Variants in STXBP5L observed in about 807,000 individuals in gnomAD.
STXBP5L encodes syntaxin binding protein 5L, also known as syntaxin-binding protein 5-like.
STXBP5L carries 65 observed loss-of-function variants against 144.5 expected under a neutral mutation model. That is an observed-to-expected ratio of 0.45 (90% CI 0.37 to 0.55). STXBP5L has a LOEUF of 0.55. STXBP5L is among the 20% of genes least tolerant of loss of function. STXBP5L has a pLI of 0.00. For missense variants in STXBP5L, 1,298 were observed against 1,405.5 expected (o/e 0.92, Z 1.22); for synonymous variants, 505 against 469.6 (o/e 1.08, Z -0.97).
At chr3:121,035,838 G>A (rs1946710342) in intron 3 of STXBP5L, among the ~76,000 whole-genome samples, 1 of 152,070 alleles carries the variant, frequency 6.6e-6, no homozygotes, top group Non-Finnish European at 1.5e-5. Context: ...AGGGAAAGTT[G>A]CCATCTTAAC....
chr3:120,970,040 G>A (rs1006373925), intron 3 of STXBP5L, among the ~76,000 whole-genome samples: 5 of 151,982 alleles, frequency 3.3e-5, no homozygotes, highest in African/African-American at 1.2e-4. Flanking sequence ...TTATTGCATA[G>A]AGAAGAAAAG....
chr3:121,376,927 T>C (rs1560036280), intron 20 of STXBP5L, among the ~76,000 whole-genome samples: 1 of 152,202 alleles, frequency 6.6e-6, no homozygotes, highest in Non-Finnish European at 1.5e-5. Flanking sequence ...GTAGTTCTCA[T>C]TGAAGTGGTC....
chr3:121,330,176 A>G (rs1238946369), intron 20 of STXBP5L, among the ~76,000 whole-genome samples: 1 of 152,160 alleles, frequency 6.6e-6, no homozygotes, highest in Non-Finnish European at 1.5e-5. Context: ...GGCATAGGGC[A>G]TAAGCCTTCT....
intron 9 of STXBP5L, among the ~76,000 whole-genome samples, chr3:121,179,953 A>G (rs1458400051): frequency 6.6e-6 from 1 of 152,204 alleles, no homozygotes; most frequent in Non-Finnish European, 1.5e-5. Flanking sequence ...AAATGGCCAA[A>G]CCTAAGAATA....
chr3:121,135,680 T>A (rs780257102), intron 7 of STXBP5L, among the ~76,000 whole-genome samples: 2 of 152,114 alleles, frequency 1.3e-5, no homozygotes, highest in Non-Finnish European at 2.9e-5. Context: ...GTGACGGGGA[T>A]CAGCTGTAAA....
intron 3 of STXBP5L, among the ~76,000 whole-genome samples, chr3:120,991,244 T>C (rs1307350769): frequency 6.6e-6 from 1 of 151,736 alleles, no homozygotes; most frequent in Non-Finnish European, 1.5e-5. Context: ...TCATCATCAC[T>C]GGCCATCAGA....
intron 23 of STXBP5L, among the ~76,000 whole-genome samples, chr3:121,410,222 T>A (rs1371606103): frequency 6.6e-6 from 1 of 151,886 alleles, no homozygotes; most frequent in Non-Finnish European, 1.5e-5. Context: ...TGTAAATGTG[T>A]GTATCTCTCA....
intron 9 of STXBP5L, among the ~76,000 whole-genome samples, chr3:121,201,455 G>T (rs1218821365): frequency 3.3e-5 from 5 of 152,110 alleles, no homozygotes; most frequent in Admixed American, 2.0e-4. Flanking sequence ...GATGGGTCTT[G>T]ATTCTTTATC....
At chr3:120,996,071 A>G (rs1471450609) in intron 3 of STXBP5L, among the ~76,000 whole-genome samples, 1 of 152,150 alleles carries the variant, frequency 6.6e-6, no homozygotes, top group Non-Finnish European at 1.5e-5. Context: ...TGAAAAATGT[A>G]ACGTCTCCTT....
chr3:121,019,544 C>T (rs1339651293), intron 3 of STXBP5L, among the ~76,000 whole-genome samples: 1 of 152,182 alleles, frequency 6.6e-6, no homozygotes, highest in Admixed American at 6.5e-5. Flanking sequence ...TCCACTGGAG[C>T]AGGTCCTGGT....
chr3:121,077,644 A>T (rs1220038320), intron 5 of STXBP5L, among the ~76,000 whole-genome samples: 2 of 152,154 alleles, frequency 1.3e-5, no homozygotes, highest in African/African-American at 2.4e-5. Context: ...CCCCACCCAC[A>T]TCCTGCTGAT....
intron 3 of STXBP5L, among the ~76,000 whole-genome samples, chr3:121,019,081 G>T (rs530864181): frequency 1.2e-4 from 18 of 152,248 alleles, no homozygotes; most frequent in Admixed American, 3.3e-4. Context: ...CTGGGAACTG[G>T]GTCAGGCCTG....
intron 19 of STXBP5L, among the ~76,000 whole-genome samples, chr3:121,288,430 A>G (rs777805914): frequency 4.6e-5 from 7 of 152,216 alleles, no homozygotes; most frequent in Non-Finnish European, 8.8e-5. Context: ...GATTTCCACA[A>G]TGGCTGAACT....
At chr3:121,085,446 TA>T (rs1232327565) in intron 5 of STXBP5L, among the ~76,000 whole-genome samples, 1 of 152,156 alleles carries the variant, frequency 6.6e-6, no homozygotes, top group Non-Finnish European at 1.5e-5. Context: ...TAAAGCTTCT[TA>T]AACTGATAAG....
chr3:121,051,645 A>T (rs1162160869), intron 5 of STXBP5L, among the ~76,000 whole-genome samples: 1 of 152,224 alleles, frequency 6.6e-6, no homozygotes, highest in Non-Finnish European at 1.5e-5. Context: ...GAAAGATCCA[A>T]AATTCACACC....
chr3:121,207,571 G>T (rs190254685), intron 10 of STXBP5L, among the ~76,000 whole-genome samples: 1 of 152,102 alleles, frequency 6.6e-6, no homozygotes, highest in African/African-American at 2.4e-5. Flanking sequence ...GAAAATTTTT[G>T]CAATCTACTC....
At chr3:120,985,991 T>C (rs938855834) in intron 3 of STXBP5L, among the ~76,000 whole-genome samples, 5 of 151,938 alleles carry the variant, frequency 3.3e-5, no homozygotes, top group Non-Finnish European at 7.4e-5. Context: ...TTCTAGTTCC[T>C]TATGTTATAA....
intron 20 of STXBP5L, among the ~76,000 whole-genome samples, chr3:121,326,640 G>C (rs1038795647): frequency 6.6e-6 from 1 of 152,008 alleles, no homozygotes; most frequent in African/African-American, 2.4e-5. Context: ...AAATGGCATA[G>C]CTTTGGAGTC....
intron 20 of STXBP5L, among the ~76,000 whole-genome samples, chr3:121,356,825 C>A (rs182365126): frequency 6.6e-6 from 1 of 152,252 alleles, no homozygotes; most frequent in East Asian, 1.9e-4. Context: ...CATCTTGGAA[C>A]CTGGACCAGC....
Sources: allele counts gnomAD v4.1 joint callset (sites outside exome capture counted in the v4.1 genomes callset), GRCh38; gene constraint gnomAD v4.1.1; transcripts MANE v1.5; gene names NCBI Gene and HGNC (gene_info 2026-07-23, HGNC 2026-07-21).